The following TXLNB variants were observed in gnomAD, a reference collection of about 807,000 sequenced individuals.
The protein encoded by TXLNB is taxilin beta.
TXLNB carries 37 observed loss-of-function variants against 57.4 expected under a neutral mutation model. The observed-to-expected ratio is 0.64, with a 90% CI of 0.50 to 0.85. The LOEUF (loss-of-function observed/expected upper bound fraction) is 0.85, where lower values mean the gene tolerates loss of function less well. Ranked by LOEUF, TXLNB falls within the 40% of genes least tolerant of loss-of-function variation. The pLI is 0.00. For missense variants in TXLNB, 848 were observed against 825.6 expected (o/e 1.03, Z -0.33); for synonymous variants, 302 against 309.6 (o/e 0.98, Z 0.26).
the TXLNB span, among the ~76,000 whole-genome samples, chr6:139,189,712 G>C: frequency 6.6e-6 from 1 of 152,138 alleles, no homozygotes; most frequent in East Asian, 1.9e-4. Context: ...CAGCTGTGGA[G>C]GTTTGCGGGG....
At chr6:139,191,211 G>A in the TXLNB span, among the ~76,000 whole-genome samples, 3 of 152,116 alleles carry the variant, frequency 2.0e-5, no homozygotes, top group Admixed American at 1.3e-4. Flanking sequence ...CCGAGGTCAG[G>A]AGTTCAAGAC....
chr6:139,163,879 C>G, the TXLNB span, among the ~76,000 whole-genome samples: 8 of 152,208 alleles, frequency 5.3e-5, no homozygotes, highest in South Asian at 1.7e-3. Context: ...GACTCCACAT[C>G]TGTATTCACA....
intron 7 of TXLNB, among the ~76,000 whole-genome samples, chr6:139,250,358 T>TTTCTTTC (rs200976508): frequency 1.6e-5 from 1 of 62,324 alleles, no homozygotes; most frequent in African/African-American, 8.7e-5. Flanking sequence ...TCTTTCTTTC[T>TTTCTTTC]TTTTTTTTTT....
the TXLNB span, among the ~76,000 whole-genome samples, chr6:139,181,093 TGATA>T: frequency 5.3e-5 from 8 of 150,612 alleles, no homozygotes; most frequent in East Asian, 1.2e-3. Flanking sequence ...TTCTATTATT[TGATA>T]GATAGTATAG....
the TXLNB span, among the ~76,000 whole-genome samples, chr6:139,233,612 C>G: frequency 6.6e-6 from 1 of 151,922 alleles, no homozygotes; most frequent in African/African-American, 2.4e-5. Context: ...TCTGTCCTGC[C>G]ACCCTGTGAA....
At chr6:139,287,538 T>C (rs1166132965) in intron 2 of TXLNB, among the ~76,000 whole-genome samples, 1 of 152,206 alleles carries the variant, frequency 6.6e-6, no homozygotes, top group South Asian at 2.1e-4. Context: ...CTGCCCTTGA[T>C]AGATTCTCCA....
At chr6:139,208,481 C>T in the TXLNB span, among the ~76,000 whole-genome samples, 3 of 152,002 alleles carry the variant, frequency 2.0e-5, no homozygotes, top group Admixed American at 6.6e-5. Context: ...CAGAAAAGGA[C>T]ATAACAAAAA....
chr6:139,211,871 G>A, the TXLNB span, among the ~76,000 whole-genome samples: 25 of 152,296 alleles, frequency 1.6e-4, 1 homozygote, highest in African/African-American at 5.8e-4. Context: ...CTGGAAGAAA[G>A]GGTATCAGCG....
the TXLNB span, among the ~76,000 whole-genome samples, chr6:139,161,946 T>C: frequency 6.6e-6 from 1 of 152,246 alleles, no homozygotes; most frequent in Non-Finnish European, 1.5e-5. Flanking sequence ...CTTCTACTTC[T>C]TTTTGTTGTG....
chr6:139,179,225 T>C, the TXLNB span: 6 of 152,368 alleles, frequency 3.9e-5, no homozygotes, highest in South Asian at 1.2e-3. Flanking sequence ...GTTTCTCTTG[T>C]CCTCGTAATA....
At chr6:139,217,034 C>G in the TXLNB span, among the ~76,000 whole-genome samples, 1 of 152,096 alleles carries the variant, frequency 6.6e-6, no homozygotes, top group Admixed American at 6.6e-5. Flanking sequence ...AAAATTCAAA[C>G]AAAGGGACCT....
the TXLNB span, among the ~76,000 whole-genome samples, chr6:139,211,295 G>A: frequency 2.6e-5 from 4 of 152,176 alleles, no homozygotes; most frequent in African/African-American, 9.7e-5. Flanking sequence ...CCAGAGGAAC[G>A]AACAGGCAGC....
the TXLNB span, chr6:139,167,418 G>A: frequency 9.1e-7 from 1 of 1,100,524 alleles, no homozygotes; most frequent in Non-Finnish European, 1.3e-6. Flanking sequence ...GTTTTCACCA[G>A]TGTTGTTTTT....
chr6:139,211,708 T>C, the TXLNB span, among the ~76,000 whole-genome samples: 6 of 152,078 alleles, frequency 3.9e-5, no homozygotes, highest in African/African-American at 2.4e-5. Context: ...TTTGAACCAA[T>C]GGCAAAGAAG....
chr6:139,317,018 T>C, the TXLNB span, among the ~76,000 whole-genome samples: 1 of 152,222 alleles, frequency 6.6e-6, no homozygotes, highest in African/African-American at 2.4e-5. Context: ...TCGGGGAATC[T>C]GATTATTCCT....
the TXLNB span, among the ~76,000 whole-genome samples, chr6:139,208,316 CAA>C: frequency 4.6e-5 from 7 of 151,852 alleles, no homozygotes; most frequent in African/African-American, 1.7e-4. Context: ...AAATTACCAA[CAA>C]AAAAAGTACA....
the TXLNB span, among the ~76,000 whole-genome samples, chr6:139,321,305 C>T: frequency 6.6e-6 from 1 of 152,010 alleles, no homozygotes; most frequent in African/African-American, 2.4e-5. Context: ...GGGATTCGTG[C>T]CCTTACAAAA....
chr6:139,246,070 T>C (rs1409758562), intron 8 of TXLNB, among the ~76,000 whole-genome samples: 3 of 133,256 alleles, frequency 2.3e-5, no homozygotes, highest in Non-Finnish European at 1.5e-5. Flanking sequence ...CACAAAAATG[T>C]GCATATGTGC....
the TXLNB span, among the ~76,000 whole-genome samples, chr6:139,222,609 C>T: frequency 6.6e-6 from 1 of 152,166 alleles, no homozygotes; most frequent in Non-Finnish European, 1.5e-5. Flanking sequence ...GAGTTTGAGA[C>T]CAGCCTGGCC....
Sources: gnomAD v4.1 joint callset for allele counts (sites outside exome capture counted in the v4.1 genomes callset) on GRCh38, gnomAD v4.1.1 for gene constraint, MANE v1.5 for transcripts, NCBI Gene and HGNC (gene_info 2026-07-23, HGNC 2026-07-21) for gene names.